Variants in PKD2 observed in about 807,000 individuals in gnomAD.
PKD2 encodes polycystin-2.
Under a neutral mutation model 105.9 loss-of-function variants are expected in PKD2, and 48 were observed. The ratio of observed to expected loss-of-function variants is 0.45; its 90% CI spans 0.36 to 0.58. PKD2 has a LOEUF of 0.58. Among genes scored for constraint, PKD2 ranks in the 20% least tolerant of loss-of-function variants. PKD2 has a pLI of 0.00. For synonymous variants in PKD2, 464 were observed against 481.1 expected (o/e 0.96, Z 0.46); for missense variants, 1,078 against 1,255.3 (o/e 0.86, Z 2.13).
At chr4:88,053,371 T>C (rs1351073907) in intron 7 of PKD2, among the ~76,000 whole-genome samples, 1 of 152,080 alleles carries the variant, frequency 6.6e-6, no homozygotes, top group Non-Finnish European at 1.5e-5. Context: ...TCACAAGACA[T>C]AGACTTGGAC....
chr4:88,049,455 G>A (rs533215091), intron 6 of PKD2, among the ~76,000 whole-genome samples: 1 of 152,258 alleles, frequency 6.6e-6, no homozygotes, highest in Admixed American at 6.5e-5. Flanking sequence ...TTGAAAACTT[G>A]CTTCACTGTG....
intron 2 of PKD2, among the ~76,000 whole-genome samples, chr4:88,031,456 CAGTT>C (rs1312879840): frequency 2.0e-5 from 3 of 152,240 alleles, no homozygotes; most frequent in East Asian, 3.9e-4. Flanking sequence ...GCTAACAAAA[CAGTT>C]AGTTTTCCTG....
At chr4:88,063,825 T>C (rs2110136336) in intron 10 of PKD2, among the ~76,000 whole-genome samples, 1 of 152,266 alleles carries the variant, frequency 6.6e-6, no homozygotes, top group East Asian at 1.9e-4. Context: ...AGGGAAGTCT[T>C]ATTAGAGATA....
chr4:88,035,369 A>G (rs6532045), intron 2 of PKD2, among the ~76,000 whole-genome samples: 60,544 of 152,070 alleles, frequency 0.4, 12,712 homozygotes, highest in African/African-American at 0.54. Context: ...GTATCCTGGA[A>G]GAAGGAGATG....
intron 7 of PKD2, among the ~76,000 whole-genome samples, chr4:88,054,388 G>C (rs927386637): frequency 1.8e-4 from 27 of 146,642 alleles, no homozygotes; most frequent in African/African-American, 6.6e-4. Context: ...CAACAGAGCA[G>C]CACTTCGTCT....
intron 2 of PKD2, 166 bp from the exon 3 acceptor site, chr4:88,036,054 T>G (rs1727319320): frequency 1.0e-6 from 1 of 970,694 alleles, no homozygotes; most frequent in African/African-American, 1.6e-5. Flanking sequence ...TATAGAGAGA[T>G]ACCCTAGAAG....
intron 2 of PKD2, among the ~76,000 whole-genome samples, chr4:88,024,505 A>C (rs995887227): frequency 1.9e-4 from 29 of 150,924 alleles, no homozygotes; most frequent in Non-Finnish European, 3.4e-4. Flanking sequence ...GAAGGAAGGA[A>C]AGAAAAAAAA....
chr4:88,016,176 G>T (rs1040836249), intron 1 of PKD2, among the ~76,000 whole-genome samples: 2 of 152,186 alleles, frequency 1.3e-5, no homozygotes, highest in Admixed American at 6.5e-5. Flanking sequence ...GTGGGGCCCG[G>T]TTCCTAACAG....
chr4:88,018,688 G>A (rs1462689923), intron 1 of PKD2, among the ~76,000 whole-genome samples: 1 of 152,216 alleles, frequency 6.6e-6, no homozygotes, highest in African/African-American at 2.4e-5. Context: ...AGCTCATGGA[G>A]GGTTACGTCA....
At position 88,077,728 on chromosome 4, in the gene PKD2, T is replaced by C. The variant is rs1435859925; in HGVS notation, c.*2034T>C. The C allele has an allele frequency of 6.6e-6, 1 of 152,220 alleles. No individual in the cohort carries two copies. The highest frequency in any genetic ancestry group is 2.4e-5 in the African/African-American group (1 of 41,460). 9.4% of individuals were successfully genotyped at this position (152,220 alleles called of 1,614,324 possible). A position where few individuals can be genotyped will look rare whatever the true frequency, so the allele number is the denominator to read the frequency against. On this transcript the variant is annotated 3_prime_UTR_variant, in exon 15 of 15. Transcript: ENST00000237596. ...TCTCGACAATCAAGAATGTTATTAA[T>C]GTGTAATACTGAGCACTTTACTTCT... is the stretch of plus-strand genomic sequence containing the variant.
chr4:88,074,132 G>C (rs180680055), intron 13 of PKD2, among the ~76,000 whole-genome samples: 1 of 152,012 alleles, frequency 6.6e-6, no homozygotes, highest in East Asian at 1.9e-4. Context: ...CAATTGTTGG[G>C]TGTTTTTTGT....
intron 10 of PKD2, among the ~76,000 whole-genome samples, chr4:88,063,048 C>A (rs193153888): frequency 3.3e-5 from 5 of 152,210 alleles, no homozygotes; most frequent in Non-Finnish European, 7.3e-5. Flanking sequence ...AACTCCACTG[C>A]TAGCTCTTCA....
At chr4:88,066,287 A>G (rs952521827) in intron 12 of PKD2, among the ~76,000 whole-genome samples, 17 of 152,190 alleles carry the variant, frequency 1.1e-4, no homozygotes, top group Admixed American at 2.0e-4. Context: ...GAGTGAAGAA[A>G]ACAAAAAATG....
chr4:88,070,574 T>TTATATA lies in PKD2; in HGVS notation c.2522+2536_2522+2541dup, dbSNP rs57470805. ...TTATTTATTTATTTATTTATTTATT[T>TTATATA]TATATATATATATATATATATATAT... is the stretch of plus-strand genomic sequence containing the variant. On this transcript the variant is annotated intron_variant, in intron 13 of 14. Transcript: ENST00000237596. Among the ~76,000 whole-genome samples, 267 of 113,880 alleles carry TTATATA rather than the reference T, an allele frequency of 2.3e-3. 1 individual carries two copies. The highest frequency in any genetic ancestry group is 4.8e-3 in the African/African-American group (136 of 28,284). The allele number at this position is 113,880 out of a possible 152,430, so 74.7% of individuals were successfully genotyped here. A position where few individuals can be genotyped will look rare whatever the true frequency, so the allele number is the denominator to read the frequency against.
chr4:88,008,387 G>A, intron 1 of PKD2, 59 bp downstream of exon 1: 1 of 1,470,848 alleles, frequency 6.8e-7, no homozygotes, highest in African/African-American at 1.4e-5. Context: ...GCGCCGGCCG[G>A]GGCCATCGCC....
chr4:88,069,462 G>A (rs943579071), intron 13 of PKD2, among the ~76,000 whole-genome samples: 1 of 151,592 alleles, frequency 6.6e-6, no homozygotes, highest in Middle Eastern at 3.2e-3. Flanking sequence ...GTTGCTCTAA[G>A]ACTTAGTTTA....
At chr4:88,061,807 A>T (rs1720583456) in intron 9 of PKD2, 99 bp from the exon 10 acceptor site, 1 of 698,056 alleles carries the variant, frequency 1.4e-6, no homozygotes, top group South Asian at 1.6e-5. Flanking sequence ...CAGATTAGGA[A>T]AAAAAGGATA....
intron 2 of PKD2, among the ~76,000 whole-genome samples, chr4:88,024,576 T>C (rs1335343833): frequency 1.3e-5 from 2 of 151,950 alleles, no homozygotes; most frequent in East Asian, 3.8e-4. Context: ...ATTTGTCATT[T>C]CCTTTTTCTG....
intron 1 of PKD2, among the ~76,000 whole-genome samples, chr4:88,017,374 G>C (rs763109226): frequency 5.3e-5 from 8 of 152,154 alleles, no homozygotes; most frequent in Non-Finnish European, 8.8e-5. Flanking sequence ...TCAAAGGCTA[G>C]AATTAAATTG....
Sources: gnomAD v4.1 joint callset for allele counts (sites outside exome capture counted in the v4.1 genomes callset) on GRCh38, gnomAD v4.1.1 for gene constraint, MANE v1.5 for transcripts, NCBI Gene and HGNC (gene_info 2026-07-23, HGNC 2026-07-21) for gene names.